Variants in ODAD2 observed in about 807,000 individuals in gnomAD.
ODAD2 encodes the protein outer dynein arm-docking complex subunit 2.
ODAD2 carries 89 observed loss-of-function variants against 106.8 expected under a neutral mutation model. That is an observed-to-expected ratio of 0.83 (90% confidence interval 0.70 to 0.99). The LOEUF is 0.99. Among genes scored for constraint, ODAD2 ranks in the 50% least tolerant of loss-of-function variants. The pLI is 0.00. For missense variants in ODAD2, 1,168 were observed against 1,238.5 expected (o/e 0.94, Z 0.85); for synonymous variants, 404 against 436.2 (o/e 0.93, Z 0.92).
At chr10:27,940,435 T>C in intron 13 of ODAD2, 128 bp downstream of exon 13, 1 of 1,132,064 alleles carries the variant, frequency 8.8e-7, no homozygotes, top group Admixed American at 2.6e-5. Context: ...TTGGATCTTC[T>C]CTTTCTCATA....
chr10:27,884,189 G>C (rs1250054412), intron 17 of ODAD2, among the ~76,000 whole-genome samples: 1 of 152,036 alleles, frequency 6.6e-6, no homozygotes, highest in Non-Finnish European at 1.5e-5. Flanking sequence ...ACTCAAACAA[G>C]GGAACCTCAT....
chr10:27,981,380 C>A, intron 7 of ODAD2, 86 bp downstream of exon 7: 5 of 1,318,448 alleles, frequency 3.8e-6, no homozygotes, highest in Non-Finnish European at 4.0e-6. Context: ...CAAAAATAGG[C>A]AAAATTACTG....
chr10:27,949,627 A>C (rs1431868820), intron 10 of ODAD2, among the ~76,000 whole-genome samples: 1 of 152,190 alleles, frequency 6.6e-6, no homozygotes, highest in Non-Finnish European at 1.5e-5. Context: ...GATGAGCTGA[A>C]AACCAGCTGG....
chr10:27,823,365 G>GA (rs144132711), intron 19 of ODAD2, among the ~76,000 whole-genome samples: 4 of 151,770 alleles, frequency 2.6e-5, no homozygotes, highest in East Asian at 1.9e-4. Flanking sequence ...CAATTCTCTG[G>GA]AAAAAAATAT....
At chr10:27,935,848 A>G (rs952186813) in intron 15 of ODAD2, among the ~76,000 whole-genome samples, 1 of 152,044 alleles carries the variant, frequency 6.6e-6, no homozygotes, top group Non-Finnish European at 1.5e-5. Flanking sequence ...ATGCATATAT[A>G]TATATACACA....
chr10:27,974,687 T>G (rs974240089), intron 7 of ODAD2, among the ~76,000 whole-genome samples: 1 of 137,954 alleles, frequency 7.2e-6, no homozygotes, highest in African/African-American at 2.7e-5. Context: ...CGGTCTGTTT[T>G]TGTTTTTTTT....
rs1564509083 is a variant in ODAD2, at chr10:27,924,001, A to AGG, written c.2495+11008_2495+11009insCC. On this transcript the variant is annotated intron_variant, in intron 16 of 19. Transcript: ENST00000305242. ...AAGAAAGAAAGAAAGAAAGAAAGAA[A>AGG]GAAAGAAAGAAAGAAAGAAAGAAGG... Among the ~76,000 whole-genome samples the AGG allele has an allele frequency of 1.4e-3, 191 of 139,858 alleles. 2 individuals are homozygous for AGG. The highest frequency in any genetic ancestry group is 2.0e-3 in the Non-Finnish European group (131 of 64,538). The allele number at this position is 139,858 out of a possible 152,430, so 91.8% of individuals were successfully genotyped here.
chr10:27,885,646 T>TAA lies in ODAD2; in HGVS notation c.2610+22016_2610+22017insTT, dbSNP rs377506117. On this transcript the variant is annotated intron_variant, in intron 17 of 19. Coordinates refer to ENST00000305242, the MANE Select transcript of ODAD2 (RefSeq NM_018076.5). ...AAATATATAAAATATATATTATATATATTATATATAATATATTATATATAA... is the reference window on the plus strand; with the variant it reads ...AAATATATAAAATATATATTATATATAAATTATATATAATATATTATATATAA... 1.3e-3 allele frequency among the ~76,000 whole-genome samples: 45 copies of TAA among 34,714 alleles called. 1 individual carries two copies. Among genetic ancestry groups the TAA allele is most frequent in the Non-Finnish European group, 2.2e-3 (38 of 17,096 alleles). 22.8% of individuals were successfully genotyped at this position (34,714 alleles called of 152,430 possible).
intron 16 of ODAD2, among the ~76,000 whole-genome samples, chr10:27,918,378 C>A (rs528920040): frequency 2.0e-5 from 3 of 152,032 alleles, no homozygotes; most frequent in Non-Finnish European, 4.4e-5. Flanking sequence ...CAAAACAAAT[C>A]ATGGTGAGTC....
At chr10:27,916,273 T>C (rs538994077) in intron 16 of ODAD2, among the ~76,000 whole-genome samples, 1 of 152,020 alleles carries the variant, frequency 6.6e-6, no homozygotes, top group Non-Finnish European at 1.5e-5. Flanking sequence ...AACTAGAGCC[T>C]GAATGGGGTG....
At chr10:27,994,625 C>G (rs545049652) in intron 2 of ODAD2, among the ~76,000 whole-genome samples, 26 of 152,198 alleles carry the variant, frequency 1.7e-4, no homozygotes, top group African/African-American at 6.3e-4. Context: ...AGGCATAAAG[C>G]AGCAATGGAT....
intron 11 of ODAD2, 84 bp from the exon 12 acceptor site, chr10:27,944,515 C>T: frequency 8.0e-7 from 1 of 1,253,314 alleles, no homozygotes. Context: ...AAAATCCTTC[C>T]CCAGTTAAGT....
chr10:27,940,752 C>A lies in ODAD2; in HGVS notation c.1797G>T (p.Leu599=), dbSNP rs926907910. The change falls in exon 13 of 20, where the codon CTG becomes CTT. Residue 599 remains leucine, a synonymous_variant. Transcript: ENST00000305242. ...HDSTKPAQSS[L]YEARDVEVAR... ...CCACTTCCACGTCTCTGGCCTCATA[C>A]AGACTCGATTGGGCAGGTTTTGTGG... The A allele has an allele frequency of 6.2e-7, 1 of 1,614,006 alleles. No homozygotes were observed. The highest frequency in any genetic ancestry group is 1.3e-5 in the African/African-American group (1 of 74,912).
At chr10:27,959,233 C>T (rs373630891) in intron 10 of ODAD2, among the ~76,000 whole-genome samples, 1 of 18,308 alleles carries the variant, frequency 5.5e-5, no homozygotes, top group Admixed American at 6.9e-4. Flanking sequence ...GGAGGGGAGG[C>T]GAGGAGGGGA....
At chr10:27,930,825 C>T (rs1418042184) in intron 16 of ODAD2, among the ~76,000 whole-genome samples, 2 of 152,124 alleles carry the variant, frequency 1.3e-5, no homozygotes, top group East Asian at 1.9e-4. Context: ...ACTGAGAACA[C>T]GTTGTCATTT....
chr10:27,854,437 C>T (rs1267408341), intron 19 of ODAD2, among the ~76,000 whole-genome samples: 1 of 152,088 alleles, frequency 6.6e-6, no homozygotes, highest in African/African-American at 2.4e-5. Context: ...TGTAACAACC[C>T]AAACCGGAAA....
rs771734880 is a variant in ODAD2 at position 27,944,224 on chromosome 10, G to C, written c.1741C>G (p.Leu581Val). 6.2e-7 allele frequency: 1 copy of C among 1,611,012 alleles called. No individual in the cohort carries two copies. Among genetic ancestry groups the C allele is most frequent in the Non-Finnish European group, 8.5e-7 (1 of 1,179,266 alleles). ...ATGACAACATCACGGCTACTCACCA[G>C]TTTGGTGATACCCCCGTGCTGCCTC... Reference protein sequence around the residue: ...VVRQHGGITKLVALLDCAHDS... With the variant: ...VVRQHGGITKVVALLDCAHDS... The change falls in exon 12 of 20, where the codon CTG becomes GTG. Residue 581 changes from leucine to valine, a missense_variant and splice_region_variant. Around this residue, in one of 3 missense-constraint regions of ODAD2, gnomAD observed 701 missense variants for 712.3 expected, o/e 0.98. Coordinates refer to ENST00000305242, the MANE Select transcript of ODAD2 (RefSeq NM_018076.5).
At chr10:27,962,504 G>A (rs1848206040) in intron 9 of ODAD2, among the ~76,000 whole-genome samples, 1 of 152,140 alleles carries the variant, frequency 6.6e-6, no homozygotes, top group Non-Finnish European at 1.5e-5. Flanking sequence ...CCTCCATAAT[G>A]CCTACACTGA....
At chr10:27,945,854 C>T (rs1485804453) in intron 10 of ODAD2, among the ~76,000 whole-genome samples, 2 of 151,460 alleles carry the variant, frequency 1.3e-5, no homozygotes, top group Admixed American at 6.6e-5. Flanking sequence ...GCGCATCACA[C>T]ACAAAAGCAA....
Sources: gnomAD v4.1 joint callset for allele counts (sites outside exome capture counted in the v4.1 genomes callset) on GRCh38, gnomAD v4.1.1 for gene constraint, gnomAD v4.1.1 regional missense constraint, MANE v1.5 for transcripts, NCBI Gene and HGNC (gene_info 2026-07-23, HGNC 2026-07-21) for gene names.